CNTNAP2: variants seen among roughly 807,000 people sequenced by gnomAD.
CNTNAP2 encodes contactin-associated protein-like 2.
A neutral mutation model predicts 155.2 loss-of-function variants in CNTNAP2; 98 were observed. The observed-to-expected ratio is 0.63, with a 90% CI of 0.54 to 0.75. CNTNAP2 has a LOEUF of 0.75. CNTNAP2 is among the 30% of genes least tolerant of loss of function. The probability of loss-of-function intolerance (pLI) is 0.00; values close to 1 mark genes in which losing one functional copy is unlikely to be tolerated. For missense variants in CNTNAP2, 1,727 were observed against 1,688.1 expected (o/e 1.02, Z -0.40); for synonymous variants, 651 against 631.2 (o/e 1.03, Z -0.47).
chr7:148,393,611 G>A (rs981448143), intron 22 of CNTNAP2, among the ~76,000 whole-genome samples: 1 of 152,140 alleles, frequency 6.6e-6, no homozygotes, highest in African/African-American at 2.4e-5. Flanking sequence ...TGATTTTGTT[G>A]AGTCAAAGGA....
At chr7:147,040,088 G>A (rs1260447226) in intron 3 of CNTNAP2, among the ~76,000 whole-genome samples, 1 of 152,060 alleles carries the variant, frequency 6.6e-6, no homozygotes, top group Non-Finnish European at 1.5e-5. Context: ...GCATCGATAA[G>A]GAACTTAAAC....
At chr7:146,271,698 T>G (rs1395046941) in intron 1 of CNTNAP2, among the ~76,000 whole-genome samples, 3 of 151,764 alleles carry the variant, frequency 2.0e-5, no homozygotes, top group African/African-American at 7.2e-5. Flanking sequence ...TTTGAAAAAT[T>G]TTCTCTATTA....
At chr7:146,504,998 G>A (rs1797361419) in intron 1 of CNTNAP2, among the ~76,000 whole-genome samples, 1 of 152,190 alleles carries the variant, frequency 6.6e-6, no homozygotes, top group South Asian at 2.1e-4. Context: ...TGATACCTGT[G>A]TTAGGGGCAC....
intron 1 of CNTNAP2, among the ~76,000 whole-genome samples, chr7:146,674,120 A>AGT (rs1800355513): frequency 6.6e-6 from 1 of 152,200 alleles, no homozygotes; most frequent in African/African-American, 2.4e-5. Context: ...GAATGCATGA[A>AGT]GTAACTATCA....
chr7:146,562,783 T>A (rs1437490986), intron 1 of CNTNAP2, among the ~76,000 whole-genome samples: 1 of 152,160 alleles, frequency 6.6e-6, no homozygotes, highest in Non-Finnish European at 1.5e-5. Context: ...AATTTCTAGG[T>A]TTTTTTATTT....
rs1017729441 is a variant in CNTNAP2, at chr7:146,370,119, A to T, written c.97+253146A>T. Among the ~76,000 whole-genome samples the T allele has an allele frequency of 5.1e-5, 6 of 116,640 alleles. 1 individual carries two copies. The highest frequency in any genetic ancestry group is 9.8e-3 in the Middle Eastern group (2 of 204). The allele number at this position is 116,640 out of a possible 152,430, so 76.5% of individuals were successfully genotyped here. A position where few individuals can be genotyped will look rare whatever the true frequency, so the allele number is the denominator to read the frequency against. On this transcript the variant is annotated intron_variant, in intron 1 of 23. Coordinates refer to ENST00000361727, the MANE Select transcript of CNTNAP2 (RefSeq NM_014141.6). ...CTAGTTGTATAAAAACCAATGATTA[A>T]AAAAAAAAAGTTTTTTCTTGCTGGG...
Position 147,807,291 on chromosome 7 carries a change from C to T in CNTNAP2, c.2099-96274C>T, listed in dbSNP as rs553237788. ...TGAGCCATGGTTACTTCACTGTACT[C>T]GAGCCTGGATGACAGAGCAGGTCCT... is the stretch of plus-strand genomic sequence containing the variant. On this transcript the variant is annotated intron_variant, in intron 13 of 23. Coordinates refer to ENST00000361727, the MANE Select transcript of CNTNAP2 (RefSeq NM_014141.6). Among the ~76,000 whole-genome samples, 83 of 130,792 alleles carry T rather than the reference C, an allele frequency of 6.3e-4. No individual in the cohort carries two copies. The South Asian group carries it at 0.021, about 32-fold the overall frequency. 85.8% of individuals were successfully genotyped at this position (130,792 alleles called of 152,430 possible).
chr7:146,431,021 A>T (rs1291303155), intron 1 of CNTNAP2, among the ~76,000 whole-genome samples: 1 of 151,988 alleles, frequency 6.6e-6, no homozygotes, highest in African/African-American at 2.4e-5. Context: ...ACATATTGAG[A>T]ACTGCTGTAA....
chr7:147,250,303 T>C (rs1290677607), intron 8 of CNTNAP2, among the ~76,000 whole-genome samples: 1 of 152,138 alleles, frequency 6.6e-6, no homozygotes, highest in Non-Finnish European at 1.5e-5. Context: ...TTTGGAAGGA[T>C]AGTTTTGATC....
chr7:147,055,839 C>T (rs577827406), intron 4 of CNTNAP2, among the ~76,000 whole-genome samples: 11 of 152,194 alleles, frequency 7.2e-5, no homozygotes, highest in Admixed American at 5.9e-4. Flanking sequence ...AGGGAAGCAG[C>T]GTCTTTTTAT....
At chr7:147,369,670 G>A (rs911699391) in intron 9 of CNTNAP2, among the ~76,000 whole-genome samples, 8 of 152,086 alleles carry the variant, frequency 5.3e-5, no homozygotes, top group African/African-American at 1.9e-4. Context: ...ATGTAAATGA[G>A]GGAACATACT....
intron 21 of CNTNAP2, among the ~76,000 whole-genome samples, chr7:148,353,110 G>T (rs781523663): frequency 6.6e-6 from 1 of 152,234 alleles, no homozygotes; most frequent in Non-Finnish European, 1.5e-5. Flanking sequence ...GGGTCCTGGA[G>T]CCCCGGCAGC....
chr7:147,165,206 G>T (rs1053135018), intron 8 of CNTNAP2, among the ~76,000 whole-genome samples: 5 of 151,998 alleles, frequency 3.3e-5, no homozygotes, highest in African/African-American at 1.2e-4. Flanking sequence ...AGGAGTAAGG[G>T]GGTATTGCAT....
intron 18 of CNTNAP2, among the ~76,000 whole-genome samples, chr7:148,210,616 T>C (rs1454089881): frequency 6.6e-6 from 1 of 152,218 alleles, no homozygotes; most frequent in Non-Finnish European, 1.5e-5. Flanking sequence ...GATTTTTCTT[T>C]GGCATTTTTT....
Position 148,404,535 on chromosome 7 carries a change from C to T in CNTNAP2, c.3716-4856C>T, listed in dbSNP as rs145180736. ...CTCACTCAAACCTTTTGCGGGACGG[C>T]GAGCACACAGGCAAGTGGGTGCCAC... On this transcript the variant is annotated intron_variant, in intron 22 of 23. Transcript: ENST00000361727. Among the ~76,000 whole-genome samples, 804 of 152,284 alleles carry T rather than the reference C, an allele frequency of 5.3e-3. 7 individuals are homozygous for T. Among genetic ancestry groups the T allele is most frequent in the African/African-American group, 0.018 (737 of 41,560 alleles).
At chr7:146,466,671 A>G (rs1796721491) in intron 1 of CNTNAP2, among the ~76,000 whole-genome samples, 1 of 152,200 alleles carries the variant, frequency 6.6e-6, no homozygotes, top group South Asian at 2.1e-4. Context: ...ATAATAAAAG[A>G]ATAATAGTTT....
intron 8 of CNTNAP2, among the ~76,000 whole-genome samples, chr7:147,295,051 C>T (rs1370588641): frequency 6.6e-6 from 1 of 152,126 alleles, no homozygotes; most frequent in Non-Finnish European, 1.5e-5. Flanking sequence ...AATATAGATA[C>T]ACTGTCTCCT....
chr7:148,134,293 A>T (rs1020677870), intron 16 of CNTNAP2, among the ~76,000 whole-genome samples: 7 of 152,224 alleles, frequency 4.6e-5, no homozygotes, highest in Non-Finnish European at 1.0e-4. Context: ...AAGTGTAACC[A>T]GAGCCAGTGA....
At chr7:146,336,908 TTAG>T (rs1237561102) in intron 1 of CNTNAP2, among the ~76,000 whole-genome samples, 7 of 152,004 alleles carry the variant, frequency 4.6e-5, no homozygotes, top group Non-Finnish European at 1.0e-4. Context: ...TGGAAACAGA[TTAG>T]TGGTGGTCAT....
Sources: gnomAD v4.1 joint callset for allele counts (sites outside exome capture counted in the v4.1 genomes callset) on GRCh38, gnomAD v4.1.1 for gene constraint, MANE v1.5 for transcripts, NCBI Gene and HGNC (gene_info 2026-07-23, HGNC 2026-07-21) for gene names.